Variants in PUS7L observed in about 807,000 individuals in gnomAD.
PUS7L encodes pseudouridine synthase 7 like, also known as pseudouridylate synthase PUS7L.
A neutral mutation model predicts 51.1 loss-of-function variants in PUS7L; 49 were observed. That is an observed-to-expected ratio of 0.96 (90% confidence interval 0.76 to 1.22). The LOEUF (loss-of-function observed/expected upper bound fraction) is 1.22, where lower values mean the gene tolerates loss of function less well. PUS7L is among the 50% of genes most tolerant of loss of function. The pLI, the probability that PUS7L is intolerant of heterozygous loss-of-function variation, is 0.00. For missense variants in PUS7L, 828 were observed against 820.6 expected, an observed-to-expected ratio of 1.01 and a Z score of -0.11; for synonymous variants, 277 against 276.2, an observed-to-expected ratio of 1.00 and a Z score of -0.03.
chr12:43,748,517 C>A lies in PUS7L; in HGVS notation c.1003G>T (p.Ala335Ser), dbSNP rs1397770672. The change falls in exon 3 of 9, where the codon GCA (alanine) becomes TCA (serine). Residue 335 changes from alanine to serine, a missense_variant. By Grantham distance (99) the Ala-to-Ser change is moderately conservative. Coordinates refer to ENST00000344862, the MANE Select transcript of PUS7L (RefSeq NM_031292.5). ...ATGGCTTTCTTGTCTTTAAGGCCTG[C>A]ATAACTAAAATCCGAAGGAATAACA... ...LGVIPSDFSY[A>S]GLKDKKAITY... 1.2e-6 allele frequency: 2 copies of A among 1,611,572 alleles called. No individual in the cohort carries two copies. The highest frequency in any genetic ancestry group is 2.7e-5 in the African/African-American group (2 of 74,682).
chr12:43,719,440 T>C lies in PUS7L; in HGVS notation c.*10936A>G, dbSNP rs1944370574. On this transcript the variant is annotated 3_prime_UTR_variant, in exon 9 of 9. Coordinates refer to ENST00000344862, the MANE Select transcript of PUS7L (RefSeq NM_031292.5). ...GAGGTGTTCATGAAGGATTTCTTGG[T>C]TGCAAAGCAGTCTTCTATCTTTTAG... The C allele has an allele frequency of 6.6e-6, 1 of 152,212 alleles. No individual in the cohort carries two copies. The highest frequency in any genetic ancestry group is 1.5e-5 in the Non-Finnish European group (1 of 68,024). 9.4% of individuals were successfully genotyped at this position (152,212 alleles called of 1,614,324 possible). A position where few individuals can be genotyped will look rare whatever the true frequency, so the allele number is the denominator to read the frequency against.
rs1429088252 is a variant in PUS7L, at chr12:43,730,044, A to G, written c.*332T>C. 1.0e-5 allele frequency: 2 copies of G among 198,354 alleles called. No homozygotes were observed. The highest frequency in any genetic ancestry group is 5.3e-5 in the Admixed American group (1 of 18,698). 12.3% of individuals were successfully genotyped at this position (198,354 alleles called of 1,614,324 possible). ...AAGGAGCTGGAGGATATGAATATTCACAACTTTTTTTCTTAAATGTTATCT... is the reference window on the plus strand; with the variant it reads ...AAGGAGCTGGAGGATATGAATATTCGCAACTTTTTTTCTTAAATGTTATCT... On this transcript the variant is annotated 3_prime_UTR_variant, in exon 9 of 9. Coordinates refer to ENST00000344862, the MANE Select transcript of PUS7L (RefSeq NM_031292.5).
intron 2 of PUS7L, among the ~76,000 whole-genome samples, chr12:43,749,387 T>C (rs1307034244): frequency 6.6e-6 from 1 of 152,172 alleles, no homozygotes; most frequent in African/African-American, 2.4e-5. Context: ...ACAGTGGATC[T>C]GATAAAGAAA....
rs187811607 is a variant in PUS7L at position 43,734,245 on chromosome 12, T to G, written c.1725+2136A>C. ...ACACTGTTGGGAAAGAAAAATCATTTTTCTGCAGAGAAGCAAGTCTAGAGT... is the reference window on the plus strand; with the variant it reads ...ACACTGTTGGGAAAGAAAAATCATTGTTCTGCAGAGAAGCAAGTCTAGAGT... On this transcript the variant is annotated intron_variant, in intron 7 of 8. Transcript: ENST00000344862. Among the ~76,000 whole-genome samples, 444 of 152,328 alleles carry G rather than the reference T, an allele frequency of 2.9e-3. 1 individual carries two copies. Among genetic ancestry groups the G allele is most frequent in the Middle Eastern group, 0.01 (3 of 294 alleles).
At position 43,736,394 on chromosome 12, in the gene PUS7L, A is replaced by G; in HGVS notation, c.1712T>C (p.Phe571Ser). Residue 571 changes from phenylalanine to serine, a missense_variant, in exon 7 of 9, where the codon TTC becomes TCC. Physicochemically the swap from Phe to Ser is radical, Grantham distance 155. Coordinates refer to ENST00000344862, the MANE Select transcript of PUS7L (RefSeq NM_031292.5). ...CLDEDIDDEN[F>S]PNSKIHLVTE... ...AATGATACTTACTTTACTATTTGGG[A>G]AATTCTCGTCATCAATGTCTTCATC... 3 of 1,613,632 alleles carry G rather than the reference A, an allele frequency of 1.9e-6. No homozygotes were observed. Among genetic ancestry groups the G allele is most frequent in the Admixed American group, 1.7e-5 (1 of 60,010 alleles).
At chr12:43,746,814 A>C (rs997676381) in intron 3 of PUS7L, among the ~76,000 whole-genome samples, 1 of 152,228 alleles carries the variant, frequency 6.6e-6, no homozygotes, top group African/African-American at 2.4e-5. Context: ...TATTGAGTTT[A>C]CTGCCCGCAA....
At chr12:43,735,366 AAAAT>A (rs1243336711) in intron 7 of PUS7L, among the ~76,000 whole-genome samples, 2 of 151,488 alleles carry the variant, frequency 1.3e-5, no homozygotes, top group East Asian at 1.9e-4. Flanking sequence ...ATAAAAATAA[AAAAT>A]AAAACTGGAC....
At chr12:43,734,446 G>A (rs543006195) in intron 7 of PUS7L, among the ~76,000 whole-genome samples, 1 of 152,326 alleles carries the variant, frequency 6.6e-6, no homozygotes, top group East Asian at 1.9e-4. Context: ...TTTCAGTTAT[G>A]AGGACCAATA....
In PUS7L at chr12:43,719,449, AG is replaced by A. The variant is rs1407105013; in HGVS notation, c.*10926del. ...ATGAAGGATTTCTTGGTTGCAAAGC[AG>A]TCTTCTATCTTTTAGGTGTGGTCTC... On this transcript the variant is annotated 3_prime_UTR_variant, in exon 9 of 9. Coordinates refer to ENST00000344862, the MANE Select transcript of PUS7L (RefSeq NM_031292.5). The A allele has an allele frequency of 6.6e-6, 1 of 152,218 alleles. No homozygotes were observed. Among genetic ancestry groups the A allele is most frequent in the Non-Finnish European group, 1.5e-5 (1 of 68,036 alleles). 9.4% of individuals were successfully genotyped at this position (152,218 alleles called of 1,614,324 possible).
chr12:43,757,280 C>A (rs905145636), intron 1 of PUS7L, among the ~76,000 whole-genome samples: 2 of 152,172 alleles, frequency 1.3e-5, no homozygotes, highest in Non-Finnish European at 2.9e-5. Context: ...GAGCGATTCT[C>A]CTACTTCAGC....
At position 43,736,440 on chromosome 12, in the gene PUS7L, G is replaced by A; in HGVS notation, c.1666C>T (p.Gln556Ter). The A allele has an allele frequency of 2.5e-6, 4 of 1,614,132 alleles. No individual in the cohort carries two copies. The South Asian group carries it at 4.4e-5, about 18-fold the overall frequency. Reference protein sequence around the residue: ...RLETYGARVVQGDLVCLDEDI... With the variant: ...RLETYGARVV ...TCATCCAAACAGACCAAATCACCCT[G>A]CACTACTCTTGCTCCATAGGTTTCA... Residue 556 changes from glutamine to a stop codon, truncating the protein, a stop_gained, in exon 7 of 9, where the codon CAG becomes TAG. Transcript: ENST00000344862. LOFTEE classifies it high-confidence loss of function.
intron 2 of PUS7L, among the ~76,000 whole-genome samples, chr12:43,753,687 TA>T (rs1938559440): frequency 2.0e-5 from 3 of 152,130 alleles, no homozygotes; most frequent in South Asian, 2.1e-4. Flanking sequence ...ACACAGACCC[TA>T]AAACAGTGAT....
At chr12:43,738,465 C>A (rs543731759) in intron 5 of PUS7L, 74 bp from the exon 6 acceptor site, 2 of 779,278 alleles carry the variant, frequency 2.6e-6, no homozygotes, top group African/African-American at 1.7e-5. Context: ...GATGCAAATT[C>A]TCTAGCATCC....
rs1383605529 is a variant in PUS7L, at chr12:43,736,577, A to C, written c.1529T>G (p.Met510Arg). Residue 510 changes from methionine to arginine, a missense_variant, in exon 7 of 9, where the codon ATG becomes AGG. Coordinates refer to ENST00000344862, the MANE Select transcript of PUS7L (RefSeq NM_031292.5). Reference protein sequence around the residue: ...ALLEALHRFGMTEEGCIQAWF... With the variant: ...ALLEALHRFGRTEEGCIQAWF... ...TGCCTGGATACAACCTTCCTCGGTCATGCCAAAGCGGTGCAATGCCTCCAA... is the reference window on the plus strand; with the variant it reads ...TGCCTGGATACAACCTTCCTCGGTCCTGCCAAAGCGGTGCAATGCCTCCAA... 1 of 1,614,114 alleles carries C rather than the reference A, an allele frequency of 6.2e-7. No individual in the cohort carries two copies. The highest frequency in any genetic ancestry group is 1.7e-5 in the Admixed American group (1 of 60,028).
chr12:43,751,594 T>C (rs1235584892), intron 2 of PUS7L, among the ~76,000 whole-genome samples: 1 of 152,170 alleles, frequency 6.6e-6, no homozygotes, highest in East Asian at 1.9e-4. Context: ...ATCCAGTCTA[T>C]CGTTGTTGGA....
In PUS7L at chr12:43,758,751, C is replaced by T; in HGVS notation, c.-38G>A. On this transcript the variant is annotated 5_prime_UTR_variant, in exon 1 of 9. An upstream start codon of the reference 5' UTR is lost. Coordinates refer to ENST00000344862, the MANE Select transcript of PUS7L (RefSeq NM_031292.5). ...CTACCTCGGTTCAGTGGAAGGCATT[C>T]ATTTGCACAACGCTGTGCGCATGCC... The T allele has an allele frequency of 1.0e-6, 1 of 980,736 alleles. No homozygotes were observed. The highest frequency in any genetic ancestry group is 1.2e-6 in the Non-Finnish European group (1 of 828,848). The allele number at this position is 980,736 out of a possible 1,614,324, so 60.8% of individuals were successfully genotyped here. A position where few individuals can be genotyped will look rare whatever the true frequency, so the allele number is the denominator to read the frequency against.
rs1334003542 is a variant in PUS7L, at chr12:43,723,761, G to A, written c.*6615C>T. ...AAATATACATAAATCAGAGGGCTTA[G>A]AAAAACAGATTAAAACAGTACTATA... On this transcript the variant is annotated 3_prime_UTR_variant, in exon 9 of 9. Coordinates refer to ENST00000344862, the MANE Select transcript of PUS7L (RefSeq NM_031292.5). The A allele has an allele frequency of 6.6e-6, 1 of 151,942 alleles. No homozygotes were observed. The highest frequency in any genetic ancestry group is 2.4e-5 in the African/African-American group (1 of 41,388). 9.4% of individuals were successfully genotyped at this position (151,942 alleles called of 1,614,324 possible).
In PUS7L at chr12:43,729,655, A is replaced by G. The variant is rs1192418035; in HGVS notation, c.*721T>C. The G allele has an allele frequency of 6.5e-6, 1 of 154,560 alleles. No individual in the cohort carries two copies. The highest frequency in any genetic ancestry group is 1.4e-5 in the Non-Finnish European group (1 of 69,738). The allele number at this position is 154,560 out of a possible 1,614,324, so 9.6% of individuals were successfully genotyped here. On this transcript the variant is annotated 3_prime_UTR_variant, in exon 9 of 9. Coordinates refer to ENST00000344862, the MANE Select transcript of PUS7L (RefSeq NM_031292.5). ...AACCACACACAAAAAAATCAACAAC[A>G]TACTCAAAATCACTAGTAAGTGTCA...
intron 2 of PUS7L, among the ~76,000 whole-genome samples, chr12:43,752,776 G>T (rs12302873): frequency 0.19 from 29,087 of 152,044 alleles, 4,123 homozygotes; most frequent in African/African-American, 0.4. Flanking sequence ...TTTAGTTTGG[G>T]ATGGTGAAAA....
Sources: allele counts gnomAD v4.1 joint callset (sites outside exome capture counted in the v4.1 genomes callset), GRCh38; gene constraint gnomAD v4.1.1; transcripts MANE v1.5; gene names NCBI Gene and HGNC (gene_info 2026-07-23, HGNC 2026-07-21).